SLC30A8: variants seen among roughly 807,000 people sequenced by gnomAD.
SLC30A8 encodes the protein solute carrier family 30 member 8, also known as proton-coupled zinc antiporter SLC30A8.
Under a neutral mutation model 36.9 loss-of-function variants are expected in SLC30A8, and 27 were observed. That is an observed-to-expected ratio of 0.73 (90% CI 0.54 to 1.01). The LOEUF (loss-of-function observed/expected upper bound fraction) is 1.01, where lower values mean the gene tolerates loss of function less well. SLC30A8 is among the 50% of genes least tolerant of loss of function. The pLI is 0.00. For missense variants in SLC30A8, 439 were observed against 452.0 expected, an observed-to-expected ratio of 0.97 and a Z score of 0.26; for synonymous variants, 164 against 172.4, an observed-to-expected ratio of 0.95 and a Z score of 0.38.
chr8:117,082,004 G>A (rs566156195), intron 2 of SLC30A8, among the ~76,000 whole-genome samples: 2 of 152,206 alleles, frequency 1.3e-5, no homozygotes, highest in Non-Finnish European at 2.9e-5. Context: ...ACATGGGTCA[G>A]AAGTCATTTA....
chr8:117,037,495 A>AT (rs979617734), intron 1 of SLC30A8, among the ~76,000 whole-genome samples: 7 of 152,276 alleles, frequency 4.6e-5, no homozygotes, highest in Admixed American at 2.6e-4. Context: ...GGGAGTCACC[A>AT]TACCACTGCC....
At chr8:117,031,839 T>C (rs4527905) in intron 1 of SLC30A8, among the ~76,000 whole-genome samples, 2,172 of 152,260 alleles carry the variant, frequency 0.014, 45 homozygotes, top group African/African-American at 0.05. Flanking sequence ...TAAGCTTCTG[T>C]AGGCTGCTGA....
chr8:117,145,426 A>G (rs185383145), intron 1 of SLC30A8, among the ~76,000 whole-genome samples: 115 of 152,122 alleles, frequency 7.6e-4, no homozygotes, highest in African/African-American at 2.8e-3. Flanking sequence ...AAAATCAAAT[A>G]TAATAATAGA....
At chr8:117,132,995 A>T (rs1821197644), upstream of SLC30A8, among the ~76,000 whole-genome samples, 1 of 152,028 alleles carries the variant, frequency 6.6e-6, no homozygotes, top group African/African-American at 2.4e-5. Context: ...TGGGATTCAT[A>T]AATCTTTGAT....
At chr8:117,008,325 T>C (rs562566224) in intron 1 of SLC30A8, among the ~76,000 whole-genome samples, 14 of 152,240 alleles carry the variant, frequency 9.2e-5, no homozygotes, top group Non-Finnish European at 2.1e-4. Flanking sequence ...TTCAAACTTG[T>C]AAGTGCTTTT....
chr8:117,018,663 GCCC>G (rs67272812), intron 1 of SLC30A8, among the ~76,000 whole-genome samples: 4 of 102,392 alleles, frequency 3.9e-5, no homozygotes, highest in African/African-American at 1.5e-4. Context: ...AATCTGACTA[GCCC>G]CCCCCCCCCT....
intron 2 of SLC30A8, among the ~76,000 whole-genome samples, chr8:117,042,778 C>T (rs1220696826): frequency 1.3e-5 from 2 of 151,966 alleles, no homozygotes; most frequent in African/African-American, 2.4e-5. Flanking sequence ...CGGGTTCAAG[C>T]GATTCTCCTG....
At chr8:117,084,433 G>A (rs533414178) in intron 2 of SLC30A8, among the ~76,000 whole-genome samples, 6 of 152,240 alleles carry the variant, frequency 3.9e-5, no homozygotes, top group African/African-American at 9.6e-5. Context: ...AATAAAAGAA[G>A]AAATCAGGAA....
At chr8:116,963,433 C>A (rs1166158641) in intron 1 of SLC30A8, among the ~76,000 whole-genome samples, 4 of 151,898 alleles carry the variant, frequency 2.6e-5, no homozygotes, top group African/African-American at 7.3e-5. Flanking sequence ...TTAAACCATA[C>A]CTCATCTCTT....
rs368858106 is a variant in SLC30A8 at position 117,169,090 on chromosome 8, G to T, written c.830-1944G>T. ...TTTTACCCATGACTTTATTCACATT[G>T]TATGGCTAATTTGAGACAAGAACTC... On this transcript the variant is annotated intron_variant, in intron 6 of 7. Transcript: ENST00000456015. 1.4e-4 allele frequency among the ~76,000 whole-genome samples: 21 copies of T among 151,388 alleles called. No individual in the cohort carries two copies. The East Asian group carries it at 3.1e-3, about 22-fold the overall frequency.
At chr8:116,985,438 A>C (rs1815412331) in intron 1 of SLC30A8, among the ~76,000 whole-genome samples, 1 of 152,070 alleles carries the variant, frequency 6.6e-6, no homozygotes, top group South Asian at 2.1e-4. Flanking sequence ...TGCAAGGATA[A>C]TATATATAAC....
intron 2 of SLC30A8, among the ~76,000 whole-genome samples, chr8:117,072,422 C>T (rs1022645458): frequency 3.2e-4 from 49 of 152,140 alleles, no homozygotes; most frequent in African/African-American, 1.1e-3. Flanking sequence ...TCCCTAATGA[C>T]ACCAAAAATT....
chr8:117,030,383 T>C (rs1238891206), intron 1 of SLC30A8, among the ~76,000 whole-genome samples: 5 of 152,242 alleles, frequency 3.3e-5, no homozygotes, highest in Non-Finnish European at 7.3e-5. Context: ...TGTTACCTAC[T>C]TCTCAGTTAT....
At chr8:117,110,906 G>A (rs933509152) in intron 2 of SLC30A8, among the ~76,000 whole-genome samples, 8 of 152,092 alleles carry the variant, frequency 5.3e-5, no homozygotes, top group African/African-American at 1.4e-4. Context: ...AGAGGCCGTC[G>A]GGTGATTAGC....
At chr8:117,000,781 C>T (rs78478105) in intron 1 of SLC30A8, among the ~76,000 whole-genome samples, 4,765 of 152,142 alleles carry the variant, frequency 0.031, 255 homozygotes, top group African/African-American at 0.11. Context: ...CAAATCTTGA[C>T]GTTACTACAC....
At chr8:117,026,083 C>A (rs1248564922) in intron 1 of SLC30A8, among the ~76,000 whole-genome samples, 1 of 152,160 alleles carries the variant, frequency 6.6e-6, no homozygotes, top group African/African-American at 2.4e-5. Context: ...GGAGAGAGAA[C>A]TGCCTGTCCC....
intron 1 of SLC30A8, among the ~76,000 whole-genome samples, chr8:117,144,948 T>G (rs1309192390): frequency 6.6e-6 from 1 of 152,156 alleles, no homozygotes; most frequent in Non-Finnish European, 1.5e-5. Flanking sequence ...TAAATCCACA[T>G]GCACATCAAG....
intron 1 of SLC30A8, among the ~76,000 whole-genome samples, chr8:117,002,617 T>C (rs1444440322): frequency 6.6e-6 from 1 of 152,136 alleles, no homozygotes; most frequent in Non-Finnish European, 1.5e-5. Flanking sequence ...TTTGTTTTTG[T>C]TTTTTTGAAA....
intron 1 of SLC30A8, among the ~76,000 whole-genome samples, chr8:117,023,038 AC>A (rs1489316327): frequency 3.3e-5 from 5 of 152,206 alleles, no homozygotes; most frequent in Non-Finnish European, 5.9e-5. Context: ...AAGAAAAAAA[AC>A]AACCCCATCA....
Sources: gnomAD v4.1 joint callset for allele counts (sites outside exome capture counted in the v4.1 genomes callset) on GRCh38, gnomAD v4.1.1 for gene constraint, MANE v1.5 for transcripts, NCBI Gene and HGNC (gene_info 2026-07-23, HGNC 2026-07-21) for gene names.